Variants in ROBO1 observed in about 807,000 individuals in gnomAD.
The protein encoded by ROBO1 is roundabout guidance receptor 1, also known as roundabout homolog 1.
ROBO1 carries 149 observed loss-of-function variants against 195.9 expected under a neutral mutation model. The ratio of observed to expected loss-of-function variants is 0.76; its 90% CI spans 0.67 to 0.87. The LOEUF is 0.87. Among genes scored for constraint, ROBO1 ranks in the 40% least tolerant of loss-of-function variants. ROBO1 has a pLI of 0.00. For synonymous variants in ROBO1, 816 were observed against 733.2 expected (o/e 1.11, Z -1.82); for missense variants, 1,933 against 2,068.3 (o/e 0.93, Z 1.27).
Position 78,717,818 on chromosome 3 carries a change from A to G in ROBO1, c.723T>C (p.Val241=), listed in dbSNP as rs1224859954. ...CACGTTCCCCAACCATATTGGTACCAACACAAACATATTTGCCAGCGTCAC... is the reference window on the plus strand; with the variant it reads ...CACGTTCCCCAACCATATTGGTACCGACACAAACATATTTGCCAGCGTCAC... The part of the protein sequence containing the change: ...RKSDAGKYVC[V]GTNMVGERES... The change falls in exon 6 of 31, where the codon GTT becomes GTC. Residue 241 remains valine (V), a synonymous_variant. Transcript: ENST00000464233. The G allele has an allele frequency of 6.2e-7, 1 of 1,613,856 alleles. No individual in the cohort carries two copies. The highest frequency in any genetic ancestry group is 8.5e-7 in the Non-Finnish European group (1 of 1,179,774).
chr3:79,763,666 G>A (rs1432959756), intron 1 of ROBO1, among the ~76,000 whole-genome samples: 2 of 152,120 alleles, frequency 1.3e-5, no homozygotes, highest in African/African-American at 4.8e-5. Context: ...AAAATGGAAA[G>A]CCCCTCAGTT....
intron 1 of ROBO1, among the ~76,000 whole-genome samples, chr3:79,642,560 TC>T (rs1400352032): frequency 6.6e-6 from 1 of 152,114 alleles, no homozygotes; most frequent in Non-Finnish European, 1.5e-5. Context: ...AAGCCCCAGT[TC>T]ATCTAGAAAC....
chr3:79,662,668 T>A (rs896054072), intron 1 of ROBO1, among the ~76,000 whole-genome samples: 2 of 152,096 alleles, frequency 1.3e-5, no homozygotes, highest in African/African-American at 2.4e-5. Flanking sequence ...TGTTTCTTCT[T>A]GGCTGTCTTT....
intron 2 of ROBO1, among the ~76,000 whole-genome samples, chr3:79,249,324 G>C (rs1275096919): frequency 6.6e-6 from 1 of 152,160 alleles, no homozygotes; most frequent in Non-Finnish European, 1.5e-5. Flanking sequence ...GAGAAAGACA[G>C]AGTATATGCC....
chr3:78,975,432 G>A (rs1464844774), intron 3 of ROBO1, among the ~76,000 whole-genome samples: 2 of 152,112 alleles, frequency 1.3e-5, no homozygotes, highest in Non-Finnish European at 2.9e-5. Flanking sequence ...TATTGAGAGA[G>A]AATATTGAGG....
chr3:79,387,136 G>A (rs2036780108), intron 2 of ROBO1, among the ~76,000 whole-genome samples: 1 of 152,030 alleles, frequency 6.6e-6, no homozygotes, highest in East Asian at 1.9e-4. Flanking sequence ...AAGAGAACTT[G>A]GGATTACCAT....
intron 4 of ROBO1, among the ~76,000 whole-genome samples, chr3:78,773,234 C>CA (rs1469794390): frequency 6.6e-6 from 1 of 151,730 alleles, no homozygotes. Context: ...TATACAGGTA[C>CA]AAAAAAATCA....
intron 4 of ROBO1, among the ~76,000 whole-genome samples, chr3:78,934,450 AAAGAC>A (rs1407130498): frequency 6.6e-6 from 1 of 151,982 alleles, no homozygotes; most frequent in Admixed American, 6.6e-5. Context: ...ACTTTTTTTA[AAAGAC>A]AAAAGTAAAG....
At chr3:78,681,780 C>T (rs1245137977) in intron 10 of ROBO1, among the ~76,000 whole-genome samples, 3 of 152,058 alleles carry the variant, frequency 2.0e-5, no homozygotes, top group Non-Finnish European at 4.4e-5. Flanking sequence ...CGGGAGCCTG[C>T]AGTCCCAGCT....
At chr3:79,144,221 A>T (rs2080593827) in intron 2 of ROBO1, among the ~76,000 whole-genome samples, 1 of 152,080 alleles carries the variant, frequency 6.6e-6, no homozygotes, top group African/African-American at 2.4e-5. Flanking sequence ...TGCCAAGGGC[A>T]TTTGGTAATC....
At chr3:78,801,379 A>G (rs1353525340) in intron 4 of ROBO1, among the ~76,000 whole-genome samples, 2 of 152,304 alleles carry the variant, frequency 1.3e-5, no homozygotes, top group South Asian at 2.1e-4. Context: ...CTTTTTAGAC[A>G]TAATTTCTAG....
At chr3:78,670,620 AC>A (rs1428600602) in intron 10 of ROBO1, 1 of 202,486 alleles carries the variant, frequency 4.9e-6, no homozygotes, top group African/African-American at 2.3e-5. Flanking sequence ...GGAATACTGT[AC>A]TTTTTAAACT....
chr3:78,860,324 A>ATTTT (rs1452163134), intron 4 of ROBO1, among the ~76,000 whole-genome samples: 17 of 59,872 alleles, frequency 2.8e-4, no homozygotes, highest in African/African-American at 7.6e-4. Context: ...ATATATATAT[A>ATTTT]TATTTTTTTT....
At chr3:78,725,882 C>T (rs2082149602) in intron 5 of ROBO1, among the ~76,000 whole-genome samples, 1 of 151,912 alleles carries the variant, frequency 6.6e-6, no homozygotes. Flanking sequence ...GTGATGTCTT[C>T]ATTTTCTACC....
chr3:79,109,255 T>A (rs2079841344), intron 3 of ROBO1, among the ~76,000 whole-genome samples: 1 of 151,882 alleles, frequency 6.6e-6, no homozygotes, highest in African/African-American at 2.4e-5. Context: ...GATGCTAGCA[T>A]AAAACATTTG....
intron 1 of ROBO1, among the ~76,000 whole-genome samples, chr3:79,677,154 A>G (rs1312200485): frequency 6.6e-6 from 1 of 151,912 alleles, no homozygotes; most frequent in African/African-American, 2.4e-5. Flanking sequence ...TATGCAATAT[A>G]CTGTGTTGAA....
chr3:78,703,588 A>C (rs2081472684), intron 8 of ROBO1, among the ~76,000 whole-genome samples: 1 of 152,106 alleles, frequency 6.6e-6, no homozygotes, highest in African/African-American at 2.4e-5. Flanking sequence ...CAAAATAAAC[A>C]AGAGGAAGAG....
chr3:79,684,032 T>C (rs538606187), intron 1 of ROBO1, among the ~76,000 whole-genome samples: 1 of 152,278 alleles, frequency 6.6e-6, no homozygotes, highest in Admixed American at 6.5e-5. Flanking sequence ...CAAAATGTTC[T>C]CCAAAGTGTT....
intron 4 of ROBO1, among the ~76,000 whole-genome samples, chr3:78,762,162 C>T (rs149486456): frequency 8.6e-5 from 13 of 151,902 alleles, no homozygotes; most frequent in African/African-American, 3.1e-4. Context: ...AGACAGATAT[C>T]TTTAGGTAAG....
Sources: allele counts gnomAD v4.1 joint callset (sites outside exome capture counted in the v4.1 genomes callset), GRCh38; gene constraint gnomAD v4.1.1; transcripts MANE v1.5; gene names NCBI Gene and HGNC (gene_info 2026-07-23, HGNC 2026-07-21).